Variants in SFXN1 observed in about 807,000 individuals in gnomAD.
SFXN1 encodes the protein sideroflexin-1.
A neutral mutation model predicts 39.5 loss-of-function variants in SFXN1; 32 were observed. The observed-to-expected ratio is 0.81, with a 90% CI of 0.61 to 1.09. The LOEUF (loss-of-function observed/expected upper bound fraction) is 1.09. SFXN1 is among the 50% of genes least tolerant of loss of function. The pLI, the probability that SFXN1 is intolerant of heterozygous loss-of-function variation, is 0.00. For missense variants in SFXN1, 402 were observed against 407.1 expected (o/e 0.99, Z 0.11); for synonymous variants, 136 against 146.5 (o/e 0.93, Z 0.52).
intron 10 of SFXN1, among the ~76,000 whole-genome samples, chr5:175,525,248 T>G (rs1761022365): frequency 6.6e-6 from 1 of 152,234 alleles, no homozygotes; most frequent in Non-Finnish European, 1.5e-5. Context: ...AGAGGTGGTA[T>G]AGCAGGGCTT....
intron 1 of SFXN1, among the ~76,000 whole-genome samples, chr5:175,487,967 G>C (rs1397335095): frequency 6.6e-6 from 1 of 152,146 alleles, no homozygotes; most frequent in Admixed American, 6.5e-5. Flanking sequence ...CTTGCCACCT[G>C]CGCTGCCCCC....
Position 175,510,175 on chromosome 5 carries a change from C to G in SFXN1, c.402C>G (p.Thr134=). Residue 134 remains threonine, a synonymous_variant, in exon 4 of 11, where the codon ACC becomes ACG. Transcript: ENST00000321442. The part of the protein sequence containing the change: ...NQSFNAVVNY[T]NRSGDAPLTV... ...CCTTCAATGCCGTCGTCAATTACACCAACAGAAGTGGAGACGCACCCCTCA... is the reference window on the plus strand; with the variant it reads ...CCTTCAATGCCGTCGTCAATTACACGAACAGAAGTGGAGACGCACCCCTCA... 1.2e-6 allele frequency: 2 copies of G among 1,613,294 alleles called. No homozygotes were observed. The highest frequency in any genetic ancestry group is 1.7e-6 in the Non-Finnish European group (2 of 1,179,742).
At chr5:175,480,182 A>G (rs1487795277) in intron 1 of SFXN1, among the ~76,000 whole-genome samples, 1 of 152,176 alleles carries the variant, frequency 6.6e-6, no homozygotes, top group African/African-American at 2.4e-5. Context: ...CGGGCGGATC[A>G]CGAGGTCAGG....
rs577993418 is a variant in SFXN1 at position 175,481,196 on chromosome 5, T to C, written c.-10+2557T>C. On this transcript the variant is annotated intron_variant, in intron 1 of 10. Transcript: ENST00000321442. The stretch of plus-strand genomic sequence containing the variant: ...ATCTCAAATAGAAATCAGAAGATTT[T>C]TTTTTAACTGTAATAACATCACCCA... 2.6e-3 allele frequency among the ~76,000 whole-genome samples: 400 copies of C among 152,370 alleles called. 3 individuals carry two copies. Among genetic ancestry groups the C allele is most frequent in the African/African-American group, 8.4e-3 (351 of 41,586 alleles).
rs979439265 is a variant in SFXN1, at chr5:175,529,510, T to C, written c.*2776T>C. 1 of 150,480 alleles carries C rather than the reference T, an allele frequency of 6.6e-6. No individual in the cohort carries two copies. Among genetic ancestry groups the C allele is most frequent in the African/African-American group, 2.4e-5 (1 of 41,232 alleles). The allele number at this position is 150,480 out of a possible 1,614,324, so 9.3% of individuals were successfully genotyped here. ...CAAGATTGGCAATCCTTGCCGATCT[T>C]TTAGAAATACCTTTTCTGGAGAAAA... On this transcript the variant is annotated 3_prime_UTR_variant, in exon 11 of 11. Transcript: ENST00000321442.
chr5:175,526,926 C>A lies in SFXN1; in HGVS notation c.*192C>A. ...GGGCCAAGTGCCTGATACTCCCTTA[C>A]ACTGAATCATGTTATGATTTATAGA... On this transcript the variant is annotated 3_prime_UTR_variant, in exon 11 of 11. Coordinates refer to ENST00000321442, the MANE Select transcript of SFXN1 (RefSeq NM_022754.7). 1.7e-6 allele frequency: 1 copy of A among 590,210 alleles called. No homozygotes were observed. 36.6% of individuals were successfully genotyped at this position (590,210 alleles called of 1,614,324 possible).
At chr5:175,522,532 G>T in intron 10 of SFXN1, 110 bp downstream of exon 10, 2 of 1,105,368 alleles carry the variant, frequency 1.8e-6, no homozygotes, top group South Asian at 2.9e-5. Context: ...AGACTCAAAA[G>T]ATACTGAAGC....
chr5:175,489,354 G>C (rs1423443628), intron 1 of SFXN1, among the ~76,000 whole-genome samples: 2 of 152,162 alleles, frequency 1.3e-5, no homozygotes, highest in East Asian at 3.9e-4. Flanking sequence ...TCAAAATGTG[G>C]CTCATGGACA....
At chr5:175,480,386 G>A (rs973981840) in intron 1 of SFXN1, among the ~76,000 whole-genome samples, 8 of 151,666 alleles carry the variant, frequency 5.3e-5, no homozygotes, top group Non-Finnish European at 1.0e-4. Context: ...GGGCGACAGA[G>A]CAAGACTCCG....
At chr5:175,497,222 G>C (rs948743379) in intron 2 of SFXN1, among the ~76,000 whole-genome samples, 1 of 152,166 alleles carries the variant, frequency 6.6e-6, no homozygotes, top group African/African-American at 2.4e-5. Context: ...CAGTAAGCCA[G>C]TTGTTAAATC....
intron 10 of SFXN1, chr5:175,524,168 A>G (rs374302431): frequency 1.6e-5 from 2 of 122,634 alleles, no homozygotes; most frequent in African/African-American, 2.9e-5. Context: ...ATATATATAT[A>G]TATCTCCAAT....
At position 175,490,444 on chromosome 5, in the gene SFXN1, C is replaced by T. The variant is rs1759614227; in HGVS notation, c.-9-1651C>T. Among the ~76,000 whole-genome samples the T allele has an allele frequency of 3.9e-5, 6 of 152,122 alleles. No individual in the cohort carries two copies. The South Asian group carries it at 1.2e-3, about 32-fold the overall frequency. On this transcript the variant is annotated intron_variant, in intron 1 of 10. Coordinates refer to ENST00000321442, the MANE Select transcript of SFXN1 (RefSeq NM_022754.7). ...CATGCTCAGTTTTGATCCTGTGGTC[C>T]ATGATATGTGTTCATTGGAGATTTT...
In SFXN1 at chr5:175,509,012, A is replaced by G. The variant is rs1760414638; in HGVS notation, c.165-20A>G. ...GATATTTGAAATGAGCAATTGCCAT[A>G]TTATTTGTTGTTTTCTTAGGCAAGG... On this transcript the variant is annotated intron_variant, in intron 2 of 10. Coordinates refer to ENST00000321442, the MANE Select transcript of SFXN1 (RefSeq NM_022754.7). The G allele has an allele frequency of 6.3e-7, 1 of 1,589,280 alleles. No homozygotes were observed. Among genetic ancestry groups the G allele is most frequent in the South Asian group, 1.1e-5 (1 of 87,326 alleles).
chr5:175,510,058 C>T, intron 3 of SFXN1, 51 bp from the exon 4 acceptor site: 2 of 1,488,338 alleles, frequency 1.3e-6, no homozygotes, highest in Non-Finnish European at 1.9e-6. Flanking sequence ...CTGTTCCATG[C>T]CGCGGCTGGG....
intron 7 of SFXN1, among the ~76,000 whole-genome samples, chr5:175,513,995 G>T (rs1760630718): frequency 6.6e-6 from 1 of 152,112 alleles, no homozygotes; most frequent in African/African-American, 2.4e-5. Flanking sequence ...AGACGGCAGA[G>T]CGTGGATGGC....
At chr5:175,505,537 C>CAATAATAATAATAATAATAATAAT (rs3049011) in intron 2 of SFXN1, among the ~76,000 whole-genome samples, 46 of 143,860 alleles carry the variant, frequency 3.2e-4, no homozygotes, top group Admixed American at 4.3e-4. Flanking sequence ...AACTCCATCA[C>CAATAATAATAATAATAATAATAAT]AATAATAATA....
intron 7 of SFXN1, among the ~76,000 whole-genome samples, chr5:175,516,208 C>T (rs998911588): frequency 1.6e-4 from 25 of 152,114 alleles, no homozygotes; most frequent in African/African-American, 5.8e-4. Context: ...GGTTGGGGCC[C>T]CTGGTCTAGC....
chr5:175,518,034 C>T (rs1760767990), intron 8 of SFXN1, among the ~76,000 whole-genome samples: 3 of 152,162 alleles, frequency 2.0e-5, no homozygotes, highest in Admixed American at 1.3e-4. Context: ...ATCCATCCCC[C>T]TACGCCTTAT....
chr5:175,512,911 T>G (rs1760571814), intron 6 of SFXN1, among the ~76,000 whole-genome samples: 1 of 152,200 alleles, frequency 6.6e-6, no homozygotes, highest in Non-Finnish European at 1.5e-5. Context: ...AATCATATTG[T>G]TCCTGAAAAA....
Sources: gnomAD v4.1 joint callset for allele counts (sites outside exome capture counted in the v4.1 genomes callset) on GRCh38, gnomAD v4.1.1 for gene constraint, MANE v1.5 for transcripts, NCBI Gene and HGNC (gene_info 2026-07-23, HGNC 2026-07-21) for gene names.